The following IRGM variants were observed in gnomAD, a reference collection of about 807,000 sequenced individuals.
IRGM encodes immunity-related GTPase family M protein.
For synonymous variants in IRGM, 98 were observed against 80.6 expected, an observed-to-expected ratio of 1.22 and a Z score of -1.16; for missense variants, 288 against 219.9, an observed-to-expected ratio of 1.31 and a Z score of -1.96.
intron 1 of IRGM, among the ~76,000 whole-genome samples, chr5:150,856,577 A>G (rs1754053125): frequency 6.6e-6 from 1 of 151,888 alleles, no homozygotes; most frequent in South Asian, 2.1e-4. Context: ...TTCAATATCT[A>G]CCAATTGGGG....
intron 1 of IRGM, among the ~76,000 whole-genome samples, chr5:150,858,166 C>T (rs1317081493): frequency 5.9e-5 from 9 of 151,600 alleles, no homozygotes; most frequent in Non-Finnish European, 1.2e-4. Flanking sequence ...TTCCCAGCAC[C>T]ATTTATTAAA....
chr5:150,891,593 T>C (rs1326505775), intron 3 of IRGM, among the ~76,000 whole-genome samples: 1 of 152,136 alleles, frequency 6.6e-6, no homozygotes, highest in African/African-American at 2.4e-5. Flanking sequence ...GTACTACACA[T>C]TTTTAGCTTT....
At chr5:150,860,899 A>G (rs1479476790) in intron 1 of IRGM, among the ~76,000 whole-genome samples, 2 of 152,030 alleles carry the variant, frequency 1.3e-5, no homozygotes, top group Non-Finnish European at 2.9e-5. Flanking sequence ...TTTTTTTCAG[A>G]GTATATTACA....
At position 150,898,244 on chromosome 5, in the gene IRGM, G is replaced by A. The variant is rs955997801; in HGVS notation, c.*141-2345G>A. ...CTGCACTGAAGGAAAAAGAGAAGGT[G>A]CAGTTTCAGATGGTCTACAATAAAG... On this transcript the variant is annotated intron_variant and NMD_transcript_variant, in intron 3 of 3. Transcript: ENST00000520549. The A allele has an allele frequency of 5.0e-6, 8 of 1,604,682 alleles. No individual in the cohort carries two copies. In the Admixed American group the frequency reaches 1.2e-4, roughly 24 times the overall value.
At chr5:150,891,166 CT>C (rs1329230257) in intron 3 of IRGM, among the ~76,000 whole-genome samples, 1 of 151,982 alleles carries the variant, frequency 6.6e-6, no homozygotes, top group African/African-American at 2.4e-5. Flanking sequence ...AAACTGATTC[CT>C]TTATCACTAT....
At chr5:150,894,278 T>G (rs1754672642) in intron 3 of IRGM, 1 of 152,084 alleles carries the variant, frequency 6.6e-6, no homozygotes, top group Non-Finnish European at 1.5e-5. Context: ...GGCCTCCAGT[T>G]CTCAAGGCTA....
chr5:150,888,228 A>G (rs1754554918), intron 3 of IRGM, among the ~76,000 whole-genome samples: 1 of 152,104 alleles, frequency 6.6e-6, no homozygotes, highest in Admixed American at 6.6e-5. Flanking sequence ...AAAGAAGGGC[A>G]TTACATAATG....
At chr5:150,897,271 C>G (rs1311645914) in intron 3 of IRGM, 3 of 269,620 alleles carry the variant, frequency 1.1e-5, no homozygotes, top group African/African-American at 4.4e-5. Flanking sequence ...ATAGAAACCC[C>G]TTTTCACCTT....
chr5:150,876,869 T>G lies in IRGM; in HGVS notation c.159-1111T>G, dbSNP rs138558562. ...GCAGAAATGAGGACGATAATTGTCA[T>G]GAGTATTTCCTCCTTATTTTGTTAA... On this transcript the variant is annotated intron_variant and NMD_transcript_variant, in intron 1 of 3. Transcript: ENST00000520549. 3.9e-3 allele frequency among the ~76,000 whole-genome samples: 594 copies of G among 152,356 alleles called. 9 individuals are homozygous for G. The highest frequency in any genetic ancestry group is 0.014 in the African/African-American group (562 of 41,590).
rs773226031 is a variant in IRGM at position 150,896,335 on chromosome 5, A to C, written c.*141-4254A>C. On this transcript the variant is annotated intron_variant and NMD_transcript_variant, in intron 3 of 3. Coordinates refer to the IRGM transcript ENST00000520549. The stretch of plus-strand genomic sequence containing the variant: ...AACTTCTCACTGAAGGCTTTTCCGC[A>C]TGCACCACAATCATATGGTTTCTTT... The C allele has an allele frequency of 1.9e-6, 3 of 1,613,538 alleles. No individual in the cohort carries two copies. In the African/African-American group the frequency reaches 4.0e-5, roughly 22 times the overall value.
intron 1 of IRGM, among the ~76,000 whole-genome samples, chr5:150,865,406 A>C (rs1463038139): frequency 2.0e-5 from 3 of 147,690 alleles, no homozygotes; most frequent in Non-Finnish European, 4.4e-5. Context: ...TAATAGACTA[A>C]ATATTATGTA....
rs1753903708 is a variant in IRGM, at chr5:150,848,070, G to T, written c.-54G>T. ...CTCGCCTCGGCCTTCCAAAGTGCTG[G>T]GATTACAGGCATGAGCCACGGCGCC... On this transcript the variant is annotated 5_prime_UTR_variant, in exon 2 of 2. Coordinates refer to ENST00000522154, the MANE Select transcript of IRGM (RefSeq NM_001145805.2). 7.1e-7 allele frequency: 1 copy of T among 1,414,258 alleles called. No homozygotes were observed. The highest frequency in any genetic ancestry group is 9.5e-7 in the Non-Finnish European group (1 of 1,050,610). The allele number at this position is 1,414,258 out of a possible 1,614,324, so 87.6% of individuals were successfully genotyped here.
chr5:150,849,895 A>G (rs908975744), downstream of IRGM, among the ~76,000 whole-genome samples: 5 of 152,104 alleles, frequency 3.3e-5, no homozygotes, highest in Admixed American at 6.6e-5. Flanking sequence ...ATGAGCCACC[A>G]CACCTGGCCA....
At chr5:150,899,700 AG>A (rs994909276) in intron 3 of IRGM, among the ~76,000 whole-genome samples, 11 of 152,094 alleles carry the variant, frequency 7.2e-5, no homozygotes, top group African/African-American at 2.7e-4. Flanking sequence ...AATTTGGGTA[AG>A]AGTAGAGTTA....
At chr5:150,851,542 G>GT (rs1753975668), downstream of IRGM, among the ~76,000 whole-genome samples, 1 of 152,112 alleles carries the variant, frequency 6.6e-6, no homozygotes, top group Admixed American at 6.5e-5. Context: ...TGAATTTTTT[G>GT]TTTTGTTCCT....
At chr5:150,861,613 G>A (rs941019086) in intron 1 of IRGM, among the ~76,000 whole-genome samples, 1 of 152,184 alleles carries the variant, frequency 6.6e-6, no homozygotes, top group African/African-American at 2.4e-5. Flanking sequence ...TGGATGTTGG[G>A]AGTGGAGGGA....
rs368289547 is a variant in IRGM, at chr5:150,860,155, T to C, written c.158+11501T>C. ...GCAATGTCACAATTTAAACGTAAAT[T>C]TATACAATGGCAATTTAACGTCTCC... On this transcript the variant is annotated intron_variant and NMD_transcript_variant, in intron 1 of 3. Transcript: ENST00000520549. Among the ~76,000 whole-genome samples, 139 of 152,272 alleles carry C rather than the reference T, an allele frequency of 9.1e-4. 4 individuals are homozygous for C. In the South Asian group the frequency reaches 0.028, roughly 31 times the overall value.
In IRGM at chr5:150,846,749, G is replaced by C. The variant is rs1413398392; in HGVS notation, c.-887G>C. On this transcript the variant is annotated 5_prime_UTR_variant, in exon 1 of 2. Transcript: ENST00000522154. The stretch of plus-strand genomic sequence containing the variant: ...GAAGAGCTGTAACTCTCACTTCGAA[G>C]GTCTGCAGCTTCGCTCCTGAGTCAG... 2 of 152,892 alleles carry C rather than the reference G, an allele frequency of 1.3e-5. No individual in the cohort carries two copies. The highest frequency in any genetic ancestry group is 4.8e-5 in the African/African-American group (2 of 41,418). The allele number at this position is 152,892 out of a possible 1,614,324, so 9.5% of individuals were successfully genotyped here.
chr5:150,900,885 T>C (rs922957402), downstream of IRGM: 1 of 152,100 alleles, frequency 6.6e-6, no homozygotes, highest in Non-Finnish European at 1.5e-5. Context: ...TTATTAATGA[T>C]ACCCAAATGC....
Sources: allele counts gnomAD v4.1 joint callset (sites outside exome capture counted in the v4.1 genomes callset), GRCh38; gene constraint gnomAD v4.1.1; transcripts MANE v1.5; gene names NCBI Gene and HGNC (gene_info 2026-07-23, HGNC 2026-07-21).